Variants in TSHR observed in about 807,000 individuals in gnomAD.
The protein encoded by TSHR is thyrotropin receptor.
A neutral mutation model predicts 64.1 loss-of-function variants in TSHR; 51 were observed. The observed-to-expected ratio is 0.80, with a 90% CI of 0.64 to 1.01. TSHR has a LOEUF of 1.01. Ranked by LOEUF, TSHR falls within the 50% of genes least tolerant of loss-of-function variation. TSHR has a pLI of 0.00. For missense variants in TSHR, 877 were observed against 942.8 expected (o/e 0.93, Z 0.91); for synonymous variants, 361 against 361.9 (o/e 1.00, Z 0.03).
chr14:81,044,325 A>G (rs1306244700), intron 1 of TSHR, among the ~76,000 whole-genome samples: 2 of 152,218 alleles, frequency 1.3e-5, no homozygotes, highest in Non-Finnish European at 2.9e-5. Flanking sequence ...ATCATACGAA[A>G]AAAAGGTCAA....
At chr14:81,052,449 C>T (rs1242056581) in intron 1 of TSHR, 1 of 152,152 alleles carries the variant, frequency 6.6e-6, no homozygotes, top group Non-Finnish European at 1.5e-5. Flanking sequence ...GTTACTATAA[C>T]TTTGTGATGT....
chr14:80,962,220 T>C (rs179243), intron 1 of TSHR, among the ~76,000 whole-genome samples: 87,726 of 152,128 alleles, frequency 0.58, 26,803 homozygotes, highest in East Asian at 0.8. Flanking sequence ...AATTGTAACT[T>C]TCATACACCT....
At chr14:81,065,978 T>C (rs147620678) in intron 2 of TSHR, among the ~76,000 whole-genome samples, 336 of 152,306 alleles carry the variant, frequency 2.2e-3, no homozygotes, top group Non-Finnish European at 3.5e-3. Context: ...GTAATGATTA[T>C]ATGATGTTTA....
chr14:81,101,894 G>C (rs988722041), intron 7 of TSHR, among the ~76,000 whole-genome samples: 1 of 152,162 alleles, frequency 6.6e-6, no homozygotes, highest in Non-Finnish European at 1.5e-5. Context: ...TAAGCAGGCC[G>C]GGTGTGGTGG....
At chr14:81,106,225 C>G (rs907998669) in intron 7 of TSHR, among the ~76,000 whole-genome samples, 4 of 152,166 alleles carry the variant, frequency 2.6e-5, no homozygotes, top group Non-Finnish European at 5.9e-5. Context: ...TGGGCTATAC[C>G]CTTGAGGTGT....
chr14:81,019,823 T>C (rs1038325354), intron 1 of TSHR, among the ~76,000 whole-genome samples: 2 of 152,202 alleles, frequency 1.3e-5, no homozygotes, highest in African/African-American at 4.8e-5. Flanking sequence ...TATTCTATAG[T>C]GTATGTGCGC....
Position 81,103,494 on chromosome 14 carries a change from T to A in TSHR, c.615-4881T>A. On this transcript the variant is annotated intron_variant, in intron 7 of 9. Transcript: ENST00000298171. This position sits in a 1 kb window ranked among gnomAD's most constrained non-coding sequence, Gnocchi z 4.1. ...CATTTTTTAAAATGTAACTGAATAA[T>A]ACAATTACAGCCAAGCTGGACAAAT... is the stretch of plus-strand genomic sequence containing the variant. The A allele has an allele frequency of 2.0e-6, 2 of 985,446 alleles. No individual in the cohort carries two copies. The highest frequency in any genetic ancestry group is 3.5e-5 in the African/African-American group (2 of 57,348). 61.0% of individuals were successfully genotyped at this position (985,446 alleles called of 1,614,324 possible).
At chr14:80,966,050 T>C (rs1887283937) in intron 1 of TSHR, among the ~76,000 whole-genome samples, 1 of 152,228 alleles carries the variant, frequency 6.6e-6, no homozygotes, top group African/African-American at 2.4e-5. Flanking sequence ...TCTGTATTTA[T>C]ATGACACATG....
chr14:81,087,888 G>A (rs1189666844), intron 3 of TSHR, 66 bp from the exon 4 acceptor site: 2 of 1,233,978 alleles, frequency 1.6e-6, no homozygotes, highest in African/African-American at 3.0e-5. Context: ...GATTTATGTT[G>A]TTTTGTCTTT....
chr14:81,087,136 C>T (rs1032336928), intron 3 of TSHR, among the ~76,000 whole-genome samples: 2 of 152,174 alleles, frequency 1.3e-5, no homozygotes, highest in Non-Finnish European at 2.9e-5. Flanking sequence ...CTGACTGGTA[C>T]CACCAATGAC....
At chr14:81,054,154 T>C (rs375476511) in intron 1 of TSHR, among the ~76,000 whole-genome samples, 11 of 152,336 alleles carry the variant, frequency 7.2e-5, no homozygotes, top group Admixed American at 1.3e-4. Flanking sequence ...GTCTTCATGA[T>C]AGTGAATAAG....
At chr14:81,102,434 G>A (rs1889651291) in intron 7 of TSHR, among the ~76,000 whole-genome samples, 1 of 152,112 alleles carries the variant, frequency 6.6e-6, no homozygotes, top group African/African-American at 2.4e-5. Context: ...ATACTTTCTT[G>A]ACATTTTTAT....
chr14:81,034,694 A>G (rs1884532739), intron 1 of TSHR, among the ~76,000 whole-genome samples: 1 of 152,244 alleles, frequency 6.6e-6, no homozygotes, highest in African/African-American at 2.4e-5. Flanking sequence ...TGGAAATTTC[A>G]CCAATTGCTA....
rs1196652188 is a variant in TSHR, at chr14:81,020,492, C to T, written c.171-41656C>T. Among the ~76,000 whole-genome samples the T allele has an allele frequency of 2.6e-5, 4 of 152,190 alleles. No individual in the cohort carries two copies. The East Asian group carries it at 7.7e-4, about 29-fold the overall frequency. On this transcript the variant is annotated intron_variant, in intron 1 of 9. Coordinates refer to ENST00000298171, the MANE Select transcript of TSHR (RefSeq NM_000369.5). The stretch of plus-strand genomic sequence containing the variant: ...AAAGTGAACCCTATTGTGAACTGCA[C>T]ATGCGAGGGACCTAGACTGCGTGTT...
intron 6 of TSHR, among the ~76,000 whole-genome samples, chr14:81,094,959 A>G (rs368986371): frequency 6.6e-6 from 1 of 152,148 alleles, no homozygotes; most frequent in African/African-American, 2.4e-5. Context: ...AGGATAAGAC[A>G]GGTTGAGAAA....
intron 1 of TSHR, among the ~76,000 whole-genome samples, chr14:81,010,200 T>C (rs1476315299): frequency 3.9e-5 from 6 of 152,180 alleles, no homozygotes; most frequent in Non-Finnish European, 1.5e-5. Flanking sequence ...TAAGAGTTCT[T>C]TATATATCTT....
chr14:80,993,620 A>C (rs917757194), intron 1 of TSHR: 1 of 152,174 alleles, frequency 6.6e-6, no homozygotes, highest in Non-Finnish European at 1.5e-5. Context: ...AAATAATGTA[A>C]GGGCAAAAAT....
intron 1 of TSHR, among the ~76,000 whole-genome samples, chr14:80,999,896 A>G (rs1202181786): frequency 6.7e-6 from 1 of 148,712 alleles, no homozygotes; most frequent in East Asian, 2.0e-4. Context: ...TGAGTATTAA[A>G]TTTTTGGGGA....
intron 1 of TSHR, among the ~76,000 whole-genome samples, chr14:80,984,641 T>C (rs1228813359): frequency 1.3e-5 from 2 of 152,198 alleles, no homozygotes; most frequent in Non-Finnish European, 2.9e-5. Flanking sequence ...GCTCAGAGAC[T>C]GGTTTTAATG....
Sources: gnomAD v4.1 joint callset for allele counts (sites outside exome capture counted in the v4.1 genomes callset) on GRCh38, gnomAD v4.1.1 for gene constraint, Gnocchi (gnomAD v3.1) non-coding constraint, MANE v1.5 for transcripts, NCBI Gene and HGNC (gene_info 2026-07-23, HGNC 2026-07-21) for gene names.